The following BMP6 variants were observed in gnomAD, a reference collection of about 807,000 sequenced individuals.
BMP6 encodes the protein bone morphogenetic protein 6, also known as VG-1-R.
Under a neutral mutation model 54.1 loss-of-function variants are expected in BMP6, and 17 were observed. That is an observed-to-expected ratio of 0.31 (90% CI 0.22 to 0.47). The LOEUF is 0.47. BMP6 is among the 20% of genes least tolerant of loss of function. The probability of loss-of-function intolerance (pLI) is 1.00; values close to 1 mark genes in which losing one functional copy is unlikely to be tolerated. For synonymous variants in BMP6, 328 were observed against 291.2 expected (o/e 1.13, Z -1.28); for missense variants, 720 against 690.4 (o/e 1.04, Z -0.48).
At chr6:7,771,420 C>G (rs749740175) in intron 1 of BMP6, among the ~76,000 whole-genome samples, 1 of 152,182 alleles carries the variant, frequency 6.6e-6, no homozygotes, top group Non-Finnish European at 1.5e-5. Flanking sequence ...TGAAATCACC[C>G]CTCCTTCACA....
chr6:7,870,378 A>C (rs753049639), intron 4 of BMP6, among the ~76,000 whole-genome samples: 9 of 152,248 alleles, frequency 5.9e-5, no homozygotes, highest in Non-Finnish European at 1.0e-4. Flanking sequence ...CAGAAGGCCT[A>C]AATGAGATGC....
chr6:7,768,271 G>A (rs865991175), intron 1 of BMP6, among the ~76,000 whole-genome samples: 1 of 152,284 alleles, frequency 6.6e-6, no homozygotes. Context: ...TCCAGCTCCT[G>A]GAAGTAAAAC....
At chr6:7,867,497 T>A (rs1027707432) in intron 4 of BMP6, among the ~76,000 whole-genome samples, 3 of 152,230 alleles carry the variant, frequency 2.0e-5, no homozygotes, top group Non-Finnish European at 4.4e-5. Context: ...CACCATTGGC[T>A]TCCATGGATT....
intron 1 of BMP6, among the ~76,000 whole-genome samples, chr6:7,805,373 A>G (rs1383029499): frequency 6.6e-6 from 1 of 152,224 alleles, no homozygotes; most frequent in Non-Finnish European, 1.5e-5. Flanking sequence ...TATCTATTCA[A>G]CACACACACG....
intron 1 of BMP6, among the ~76,000 whole-genome samples, chr6:7,755,765 C>T (rs1006180754): frequency 6.6e-6 from 1 of 151,866 alleles, no homozygotes; most frequent in Non-Finnish European, 1.5e-5. Flanking sequence ...TTTTATTTAT[C>T]TGAAAAAATT....
At chr6:7,853,719 T>C (rs1381610668) in intron 2 of BMP6, among the ~76,000 whole-genome samples, 1 of 152,228 alleles carries the variant, frequency 6.6e-6, no homozygotes, top group Non-Finnish European at 1.5e-5. Flanking sequence ...ATCTTACTGC[T>C]GACTTGATAA....
chr6:7,779,245 C>T (rs1293537860), intron 1 of BMP6, among the ~76,000 whole-genome samples: 1 of 152,218 alleles, frequency 6.6e-6, no homozygotes, highest in African/African-American at 2.4e-5. Flanking sequence ...CCATGGTGCC[C>T]TCTGGGGGAT....
intron 1 of BMP6, among the ~76,000 whole-genome samples, chr6:7,742,789 G>T (rs1172616042): frequency 6.6e-6 from 1 of 152,050 alleles, no homozygotes; most frequent in Non-Finnish European, 1.5e-5. Flanking sequence ...CAGAGTAGGC[G>T]CATACAAGAT....
chr6:7,803,643 C>T (rs1758304859), intron 1 of BMP6, among the ~76,000 whole-genome samples: 2 of 152,152 alleles, frequency 1.3e-5, no homozygotes, highest in African/African-American at 4.8e-5. Flanking sequence ...CACCATGCCT[C>T]TCTTTTGTAG....
At chr6:7,787,545 A>C (rs1296609892) in intron 1 of BMP6, among the ~76,000 whole-genome samples, 1 of 152,234 alleles carries the variant, frequency 6.6e-6, no homozygotes, top group Non-Finnish European at 1.5e-5. Context: ...TAGACTCCTC[A>C]CTCAGAGCAG....
chr6:7,851,466 A>G (rs1759141226), intron 2 of BMP6, among the ~76,000 whole-genome samples: 1 of 152,222 alleles, frequency 6.6e-6, no homozygotes, highest in African/African-American at 2.4e-5. Flanking sequence ...GCAAATTTAC[A>G]TGTTAATTCG....
chr6:7,856,031 C>G (rs1178913859), intron 2 of BMP6, among the ~76,000 whole-genome samples: 1 of 148,798 alleles, frequency 6.7e-6, no homozygotes. Flanking sequence ...ACGAAATAGC[C>G]CCTACAGAAT....
At chr6:7,811,516 A>G (rs565033866) in intron 1 of BMP6, among the ~76,000 whole-genome samples, 27 of 152,312 alleles carry the variant, frequency 1.8e-4, no homozygotes, top group African/African-American at 5.8e-4. Context: ...ATGTTCCCGG[A>G]GAAAAGCATT....
chr6:7,756,769 T>C (rs1333448008), intron 1 of BMP6, among the ~76,000 whole-genome samples: 1 of 152,236 alleles, frequency 6.6e-6, no homozygotes, highest in East Asian at 1.9e-4. Flanking sequence ...ATTTTAGGAT[T>C]AATTTATCCC....
chr6:7,838,525 C>T (rs1758913325), intron 1 of BMP6, among the ~76,000 whole-genome samples: 2 of 152,194 alleles, frequency 1.3e-5, no homozygotes, highest in South Asian at 2.1e-4. Context: ...TGCAATGTGT[C>T]TCTTCTTTTC....
At chr6:7,874,398 C>A (rs1488905154) in intron 4 of BMP6, among the ~76,000 whole-genome samples, 2 of 152,176 alleles carry the variant, frequency 1.3e-5, no homozygotes, top group African/African-American at 4.8e-5. Context: ...CTAGGAAATT[C>A]TCTCACCCCA....
intron 1 of BMP6, among the ~76,000 whole-genome samples, chr6:7,741,125 C>T (rs1185337662): frequency 2.0e-5 from 3 of 152,188 alleles, no homozygotes; most frequent in African/African-American, 7.2e-5. Context: ...CCCACTGCCA[C>T]ATTCTCAATT....
intron 1 of BMP6, among the ~76,000 whole-genome samples, chr6:7,738,690 AT>A (rs942150857): frequency 2.0e-5 from 3 of 152,194 alleles, no homozygotes; most frequent in African/African-American, 7.2e-5. Flanking sequence ...TTCTTTTTAA[AT>A]TTTTTGGTAA....
intron 2 of BMP6, among the ~76,000 whole-genome samples, chr6:7,856,595 A>ATT (rs70982115): frequency 0.024 from 2,001 of 83,032 alleles, 303 homozygotes; most frequent in Admixed American, 0.033. Context: ...TATCAAGAGC[A>ATT]TTTTTTTTTT....
Sources: allele counts gnomAD v4.1 joint callset (sites outside exome capture counted in the v4.1 genomes callset), GRCh38; gene constraint gnomAD v4.1.1; transcripts MANE v1.5; gene names NCBI Gene and HGNC (gene_info 2026-07-23, HGNC 2026-07-21).